TRPC4: variants seen among roughly 807,000 people sequenced by gnomAD.
The protein encoded by TRPC4 is short transient receptor potential channel 4.
Under a neutral mutation model 99.4 loss-of-function variants are expected in TRPC4, and 49 were observed. The ratio of observed to expected loss-of-function variants is 0.49; its 90% CI spans 0.39 to 0.63. The LOEUF is 0.63. Ranked by LOEUF, TRPC4 falls within the 20% of genes least tolerant of loss-of-function variation. The pLI is 0.00. For missense variants in TRPC4, 898 were observed against 1,152.9 expected (o/e 0.78, Z 3.20); for synonymous variants, 454 against 425.9 (o/e 1.07, Z -0.81).
At chr13:37,758,934 G>A (rs1471154158) in intron 2 of TRPC4, among the ~76,000 whole-genome samples, 1 of 151,154 alleles carries the variant, frequency 6.6e-6, no homozygotes, top group Non-Finnish European at 1.5e-5. Context: ...ATAAATATAT[G>A]CATTTAGTAC....
intron 1 of TRPC4, among the ~76,000 whole-genome samples, chr13:37,810,872 C>G (rs12583190): frequency 6.6e-6 from 1 of 151,922 alleles, no homozygotes; most frequent in African/African-American, 2.4e-5. Flanking sequence ...GTTTATCTCT[C>G]CAACAAACTG....
intron 4 of TRPC4, among the ~76,000 whole-genome samples, chr13:37,681,940 A>C (rs1229943120): frequency 6.6e-6 from 1 of 152,176 alleles, no homozygotes; most frequent in African/African-American, 2.4e-5. Flanking sequence ...GGAAGTTTTT[A>C]CTATTTTTTT....
At chr13:37,745,058 C>A (rs1197116354) in intron 3 of TRPC4, among the ~76,000 whole-genome samples, 2 of 152,030 alleles carry the variant, frequency 1.3e-5, no homozygotes, top group Non-Finnish European at 2.9e-5. Context: ...GTACTAAAGT[C>A]TTTTATTTTA....
In TRPC4 at chr13:37,855,337, G is replaced by GATATATATATATATATATAT. The variant is rs59525799; in HGVS notation, c.-28+14238_-28+14257dup. Among the ~76,000 whole-genome samples, 734 of 136,438 alleles carry GATATATATATATATATATAT rather than the reference G, an allele frequency of 5.4e-3. 7 individuals carry two copies. Among genetic ancestry groups the GATATATATATATATATATAT allele is most frequent in the Middle Eastern group, 0.015 (4 of 264 alleles). The allele number at this position is 136,438 out of a possible 152,430, so 89.5% of individuals were successfully genotyped here. ...TACACATGTAGATATATACAATGTA[G>GATATATATATATATATATAT]ATATATATATATATATATATGCACC... On this transcript the variant is annotated intron_variant, in intron 1 of 10. Transcript: ENST00000379705.
At chr13:37,639,406 T>G (rs1360855695) in intron 8 of TRPC4, 107 bp from the exon 9 acceptor site, 3 of 1,253,722 alleles carry the variant, frequency 2.4e-6, no homozygotes, top group Non-Finnish European at 3.3e-6. Flanking sequence ...TTCTTCAAAG[T>G]GGGAGTTTTA....
chr13:37,747,217 C>A (rs533633154), intron 2 of TRPC4, among the ~76,000 whole-genome samples: 1 of 152,050 alleles, frequency 6.6e-6, no homozygotes, highest in Non-Finnish European at 1.5e-5. Context: ...TAATAATAGC[C>A]GCCATTTAGT....
chr13:37,733,176 G>A (rs1309806434), intron 3 of TRPC4, among the ~76,000 whole-genome samples: 1 of 152,120 alleles, frequency 6.6e-6, no homozygotes, highest in African/African-American at 2.4e-5. Flanking sequence ...GGGAGGCTGA[G>A]GTGGGAAGAT....
At chr13:37,739,507 T>G (rs1955514352) in intron 3 of TRPC4, among the ~76,000 whole-genome samples, 1 of 59,710 alleles carries the variant, frequency 1.7e-5, no homozygotes, top group African/African-American at 4.0e-5. Context: ...GCATGAGATT[T>G]TTTTTTTTTT....
At chr13:37,669,760 C>T (rs938184007) in intron 5 of TRPC4, among the ~76,000 whole-genome samples, 8 of 152,132 alleles carry the variant, frequency 5.3e-5, no homozygotes, top group Admixed American at 4.6e-4. Context: ...TGCTCCAAAT[C>T]ACATAGGTAG....
At chr13:37,691,837 T>C (rs770365986) in intron 4 of TRPC4, among the ~76,000 whole-genome samples, 162 bp downstream of exon 4, 18 of 152,338 alleles carry the variant, frequency 1.2e-4, no homozygotes, top group Non-Finnish European at 2.6e-4. Context: ...CCGCAGCTTG[T>C]AAAATAGTTG....
In TRPC4 at chr13:37,635,737, A is replaced by G. The variant is rs1951496640; in HGVS notation, c.*1166T>C. Among the ~76,000 whole-genome samples the G allele has an allele frequency of 6.6e-6, 1 of 152,134 alleles. No individual in the cohort carries two copies. The highest frequency in any genetic ancestry group is 2.4e-5 in the African/African-American group (1 of 41,446). ...TGTAAGTTGCGAACACTTTCCTTGTAATAGTTCAGTGAATTGTTATAAGCT... is the reference window on the plus strand; with the variant it reads ...TGTAAGTTGCGAACACTTTCCTTGTGATAGTTCAGTGAATTGTTATAAGCT... On this transcript the variant is annotated 3_prime_UTR_variant, in exon 11 of 11. Transcript: ENST00000379705.
rs371119185 is a variant in TRPC4 at position 37,765,603 on chromosome 13, C to A, written c.378+17353G>T. The stretch of plus-strand genomic sequence containing the variant: ...AGAATTTTAGAGTGTATATTAAAAT[C>A]TCCTGTATTTTGACTGTATGAGAGA... On this transcript the variant is annotated intron_variant, in intron 2 of 10. Coordinates refer to ENST00000379705, the MANE Select transcript of TRPC4 (RefSeq NM_016179.4). Among the ~76,000 whole-genome samples the A allele has an allele frequency of 2.0e-5, 3 of 151,120 alleles. No homozygotes were observed. In the South Asian group the frequency reaches 6.3e-4, roughly 31 times the overall value.
intron 2 of TRPC4, among the ~76,000 whole-genome samples, chr13:37,781,100 CATA>C (rs1196852223): frequency 1.3e-4 from 20 of 152,134 alleles, no homozygotes; most frequent in African/African-American, 4.8e-4. Context: ...CAAACACTCT[CATA>C]ATAGCAGACA....
At chr13:37,771,995 C>G (rs899447410) in intron 2 of TRPC4, among the ~76,000 whole-genome samples, 2 of 151,542 alleles carry the variant, frequency 1.3e-5, no homozygotes, top group African/African-American at 4.8e-5. Flanking sequence ...GACTAGGGGG[C>G]AGCTGTGTTC....
intron 3 of TRPC4, among the ~76,000 whole-genome samples, chr13:37,693,328 G>A (rs901213481): frequency 1.3e-5 from 2 of 152,100 alleles, no homozygotes; most frequent in Middle Eastern, 3.2e-3. Context: ...AAGATACCTT[G>A]GGAGAACAAG....
At chr13:37,840,054 T>C (rs1303110252) in intron 1 of TRPC4, among the ~76,000 whole-genome samples, 1 of 152,108 alleles carries the variant, frequency 6.6e-6, no homozygotes, top group African/African-American at 2.4e-5. Flanking sequence ...TAATATGCAT[T>C]TTTTGTGTTT....
intron 1 of TRPC4, among the ~76,000 whole-genome samples, chr13:37,810,005 A>AG (rs58161226): frequency 0.29 from 43,897 of 151,968 alleles, 6,556 homozygotes; most frequent in East Asian, 0.43. Flanking sequence ...TATGAATTCA[A>AG]GAGTTTTCTT....
intron 1 of TRPC4, among the ~76,000 whole-genome samples, chr13:37,839,486 T>C (rs556510229): frequency 6.6e-6 from 1 of 152,318 alleles, no homozygotes; most frequent in Non-Finnish European, 1.5e-5. Context: ...GTCAATCAAT[T>C]TGGAAACCAC....
rs1953854404 is a variant in TRPC4, at chr13:37,694,798, T to C, written c.898-2463A>G. Among the ~76,000 whole-genome samples, 5 of 152,268 alleles carry C rather than the reference T, an allele frequency of 3.3e-5. No homozygotes were observed. The South Asian group carries it at 1.0e-3, about 32-fold the overall frequency. On this transcript the variant is annotated intron_variant, in intron 3 of 10. Transcript: ENST00000379705. ...TAAGAAGAGCAGGAGTGAGTGTGTG[T>C]AATACACAAAGTTCCCCAAATGTGG...
Sources: gnomAD v4.1 joint callset for allele counts (sites outside exome capture counted in the v4.1 genomes callset) on GRCh38, gnomAD v4.1.1 for gene constraint, MANE v1.5 for transcripts, NCBI Gene and HGNC (gene_info 2026-07-23, HGNC 2026-07-21) for gene names.